VPS13B: variants seen among roughly 807,000 people sequenced by gnomAD.
VPS13B encodes intermembrane lipid transfer protein VPS13B.
A neutral mutation model predicts 426.4 loss-of-function variants in VPS13B; 285 were observed. The observed-to-expected ratio is 0.67, with a 90% confidence interval of 0.61 to 0.74. The LOEUF (loss-of-function observed/expected upper bound fraction) is 0.74, where lower values mean the gene tolerates loss of function less well. Ranked by LOEUF, VPS13B falls within the 30% of genes least tolerant of loss-of-function variation. The pLI, the probability that VPS13B is intolerant of heterozygous loss-of-function variation, is 0.00. For synonymous variants in VPS13B, 1,676 were observed against 1,676.4 expected (o/e 1.00, Z 0.01); for missense variants, 4,537 against 4,782.6 (o/e 0.95, Z 1.51).
At chr8:99,560,970 T>G (rs932527492) in intron 31 of VPS13B, among the ~76,000 whole-genome samples, 13 of 152,230 alleles carry the variant, frequency 8.5e-5, no homozygotes, top group Non-Finnish European at 1.8e-4. Context: ...CTCCTATTTG[T>G]TCTTTAATTC....
chr8:99,574,269 T>C (rs556637350), intron 31 of VPS13B, among the ~76,000 whole-genome samples: 157 of 152,298 alleles, frequency 1.0e-3, no homozygotes, highest in Non-Finnish European at 1.7e-3. Context: ...GACTTCCTCT[T>C]TTCCTAATTG....
chr8:99,671,815 T>C (rs777761083), intron 35 of VPS13B, among the ~76,000 whole-genome samples: 1 of 152,012 alleles, frequency 6.6e-6, no homozygotes, highest in East Asian at 1.9e-4. Flanking sequence ...TAGTGAGAGA[T>C]AAGGATCTAC....
At chr8:99,781,925 G>A (rs577531538) in intron 42 of VPS13B, among the ~76,000 whole-genome samples, 62 of 152,234 alleles carry the variant, frequency 4.1e-4, no homozygotes, top group Non-Finnish European at 8.1e-4. Context: ...AGCAGTTCAT[G>A]TTGATTATAT....
chr8:99,493,286 T>A (rs1238546368), intron 25 of VPS13B, among the ~76,000 whole-genome samples: 1 of 152,162 alleles, frequency 6.6e-6, no homozygotes, highest in Non-Finnish European at 1.5e-5. Context: ...AGATTAGAAG[T>A]TTATACTCTC....
intron 35 of VPS13B, among the ~76,000 whole-genome samples, chr8:99,699,101 T>TCAAA (rs1454566753): frequency 6.6e-6 from 1 of 151,328 alleles, no homozygotes; most frequent in Non-Finnish European, 1.5e-5. Flanking sequence ...ATTATTTGTG[T>TCAAA]CAAACATGGT....
chr8:99,646,406 T>A (rs1245638646), intron 34 of VPS13B, among the ~76,000 whole-genome samples: 1 of 152,040 alleles, frequency 6.6e-6, no homozygotes, highest in African/African-American at 2.4e-5. Context: ...GCACCTGTAG[T>A]CTGAGCTATT....
intron 19 of VPS13B, among the ~76,000 whole-genome samples, chr8:99,295,174 T>C (rs939876409): frequency 1.3e-5 from 2 of 152,154 alleles, no homozygotes; most frequent in Non-Finnish European, 2.9e-5. Context: ...TACTAGGTGA[T>C]AAAATGTCCT....
At chr8:99,606,627 TTC>T (rs1319700155) in intron 33 of VPS13B, among the ~76,000 whole-genome samples, 15,451 of 143,758 alleles carry the variant, frequency 0.11, 1,161 homozygotes, top group East Asian at 0.32. Flanking sequence ...TCTTTTTCTT[TTC>T]TTTTTTTTTT....
intron 43 of VPS13B, among the ~76,000 whole-genome samples, chr8:99,804,572 A>C (rs1475866598): frequency 3.3e-5 from 5 of 152,206 alleles, no homozygotes. Context: ...AAATATCACC[A>C]CTGACATTTT....
At chr8:99,496,058 A>C (rs1276580563) in intron 25 of VPS13B, among the ~76,000 whole-genome samples, 3 of 152,178 alleles carry the variant, frequency 2.0e-5, no homozygotes, top group African/African-American at 7.2e-5. Context: ...TGGGCTGGGA[A>C]ATTTAGCCCA....
chr8:99,289,721 G>T (rs901994468), intron 19 of VPS13B, among the ~76,000 whole-genome samples: 1 of 152,108 alleles, frequency 6.6e-6, no homozygotes, highest in Non-Finnish European at 1.5e-5. Flanking sequence ...AATAGCCACT[G>T]AATGGAGAGG....
intron 17 of VPS13B, among the ~76,000 whole-genome samples, chr8:99,221,819 C>G (rs1164222738): frequency 6.6e-6 from 1 of 152,210 alleles, no homozygotes; most frequent in Non-Finnish European, 1.5e-5. Flanking sequence ...GGCCATGCTC[C>G]TGCCCCAGCC....
intron 8 of VPS13B, among the ~76,000 whole-genome samples, chr8:99,133,307 A>G (rs1809900919): frequency 6.6e-6 from 1 of 152,174 alleles, no homozygotes. Context: ...TCTTACGTCT[A>G]TTAGCCTACA....
chr8:99,819,738 C>T (rs1008909117), intron 48 of VPS13B, among the ~76,000 whole-genome samples, 156 bp downstream of exon 48: 19 of 151,962 alleles, frequency 1.3e-4, no homozygotes, highest in Admixed American at 8.5e-4. Context: ...TTTCTTTATT[C>T]ATGATCTAGA....
At position 99,200,886 on chromosome 8, in the gene VPS13B, C is replaced by A. The variant is rs370085937; in HGVS notation, c.2515+7829C>A. On this transcript the variant is annotated intron_variant, in intron 17 of 61. Coordinates refer to ENST00000357162, the MANE Select transcript of VPS13B (RefSeq NM_152564.5). ...ACCTTTTGTCTAATTTTTTTCATTA[C>A]CCTCAAGTACATCTTCTTTACATTG... Among the ~76,000 whole-genome samples, 17 of 151,868 alleles carry A rather than the reference C, an allele frequency of 1.1e-4. No homozygotes were observed. The East Asian group carries it at 2.9e-3, about 26-fold the overall frequency.
intron 19 of VPS13B, among the ~76,000 whole-genome samples, chr8:99,383,166 G>GGTTA (rs1224129379): frequency 5.3e-5 from 8 of 152,134 alleles, no homozygotes; most frequent in Admixed American, 4.6e-4. Flanking sequence ...GACAAAAATA[G>GGTTA]GTTAGTTAGT....
Position 99,875,410 on chromosome 8 carries a change from G to T in VPS13B, c.11746-8G>T. The T allele has an allele frequency of 6.2e-7, 1 of 1,614,098 alleles. No individual in the cohort carries two copies. Among genetic ancestry groups the T allele is most frequent in the Non-Finnish European group, 8.5e-7 (1 of 1,180,014 alleles). On this transcript the variant is annotated splice_polypyrimidine_tract_variant and splice_region_variant and intron_variant, in intron 61 of 61. Transcript: ENST00000357162. ...TGGCAACTAATCTTTATTATTTTTG[G>T]ATCCTAGGTAGATGGAGTCCGAGAG...
chr8:99,540,029 A>G, intron 30 of VPS13B, among the ~76,000 whole-genome samples: 1 of 1,138 alleles, frequency 8.8e-4, no homozygotes, highest in East Asian at 0.022. Flanking sequence ...ATATATATAT[A>G]TATATATATA....
At chr8:99,122,393 A>T (rs1563553519) in intron 8 of VPS13B, among the ~76,000 whole-genome samples, 1 of 152,110 alleles carries the variant, frequency 6.6e-6, no homozygotes, top group African/African-American at 2.4e-5. Context: ...TTAAAGAATA[A>T]TAAAGTAAAT....
Sources: gnomAD v4.1 joint callset for allele counts (sites outside exome capture counted in the v4.1 genomes callset) on GRCh38, gnomAD v4.1.1 for gene constraint, MANE v1.5 for transcripts, NCBI Gene and HGNC (gene_info 2026-07-23, HGNC 2026-07-21) for gene names.